Variants in ZNF385D observed in about 807,000 individuals in gnomAD.
ZNF385D encodes zinc finger protein 659.
ZNF385D carries 15 observed loss-of-function variants against 35.8 expected under a neutral mutation model. The ratio of observed to expected loss-of-function variants is 0.42; its 90% CI spans 0.28 to 0.64. ZNF385D has a LOEUF of 0.64. Among genes scored for constraint, ZNF385D ranks in the 30% least tolerant of loss-of-function variants. The pLI is 0.23. For missense variants in ZNF385D, 474 were observed against 494.6 expected (o/e 0.96, Z 0.39); for synonymous variants, 212 against 186.8 (o/e 1.13, Z -1.10).
intron 3 of ZNF385D, among the ~76,000 whole-genome samples, chr3:22,159,939 A>G (rs1216998067): frequency 6.6e-6 from 1 of 152,018 alleles, no homozygotes; most frequent in African/African-American, 2.4e-5. Flanking sequence ...CCCAGCCAAA[A>G]TCTCATCTTG....
At chr3:21,575,396 A>C (rs1194484731) in intron 2 of ZNF385D, among the ~76,000 whole-genome samples, 1 of 152,196 alleles carries the variant, frequency 6.6e-6, no homozygotes, top group African/African-American at 2.4e-5. Context: ...AACTAGGGAC[A>C]GGCTTATTTC....
At position 22,049,280 on chromosome 3, in the gene ZNF385D, G is replaced by A. The variant is rs1382766406; in HGVS notation, c.325+119537C>T. Among the ~76,000 whole-genome samples, 4 of 89,482 alleles carry A rather than the reference G, an allele frequency of 4.5e-5. No homozygotes were observed. The South Asian group carries it at 1.0e-3, about 22-fold the overall frequency. 58.7% of individuals were successfully genotyped at this position (89,482 alleles called of 152,430 possible). ...CACTGCACTCCAGCCTGGGAAACAAGAGCGAAACTCAATCTCAAAAATAAA... is the reference window on the plus strand; with the variant it reads ...CACTGCACTCCAGCCTGGGAAACAAAAGCGAAACTCAATCTCAAAAATAAA... On this transcript the variant is annotated intron_variant, in intron 3 of 5. Coordinates refer to the ZNF385D transcript ENST00000494108.
At chr3:21,755,574 CA>C (rs1305019456), upstream of ZNF385D, among the ~76,000 whole-genome samples, 1 of 152,106 alleles carries the variant, frequency 6.6e-6, no homozygotes, top group African/African-American at 2.4e-5. Context: ...TTTTTCTCAC[CA>C]AAAGACTAAA....
Position 21,418,061 on chromosome 3 carries a change from A to C in ZNF385D, c.*3153T>G, listed in dbSNP as rs1054770129. ...CATAAGAGAAATACAGTACCTCCCC[A>C]ATGACTGTTTCCCATTTGTCTGGAC... On this transcript the variant is annotated 3_prime_UTR_variant, in exon 8 of 8. Transcript: ENST00000281523. 1 of 152,158 alleles carries C rather than the reference A, an allele frequency of 6.6e-6. No individual in the cohort carries two copies. Among genetic ancestry groups the C allele is most frequent in the African/African-American group, 2.4e-5 (1 of 41,454 alleles). 9.4% of individuals were successfully genotyped at this position (152,158 alleles called of 1,614,324 possible).
chr3:21,984,983 A>G (rs1246709257), intron 3 of ZNF385D, among the ~76,000 whole-genome samples: 1 of 151,656 alleles, frequency 6.6e-6, no homozygotes, highest in Non-Finnish European at 1.5e-5. Context: ...TTTTTTGTGT[A>G]TAAGAATGCC....
At chr3:22,053,089 T>C (rs1369184639) in intron 3 of ZNF385D, among the ~76,000 whole-genome samples, 2 of 78,880 alleles carry the variant, frequency 2.5e-5, no homozygotes, top group Non-Finnish European at 5.1e-5. Context: ...CGGGCGCCCC[T>C]CCCCCAGCCT....
In ZNF385D at chr3:22,277,213, G is replaced by C. The variant is rs529243009; in HGVS notation, c.106+95237C>G. 2.6e-5 allele frequency among the ~76,000 whole-genome samples: 4 copies of C among 152,258 alleles called. No homozygotes were observed. The South Asian group carries it at 8.3e-4, about 32-fold the overall frequency. ...AAGTAAGGGAAGCAAGTTAGCAGTG[G>C]TGAGAGAAGCAGAGCTGTGGGTTCA... On this transcript the variant is annotated intron_variant, in intron 2 of 5. Transcript: ENST00000494108.
intron 3 of ZNF385D, chr3:21,979,733 G>C (rs1302702629): frequency 6.6e-6 from 1 of 152,206 alleles, no homozygotes; most frequent in East Asian, 1.9e-4. Flanking sequence ...TTTGCAGAAA[G>C]ATTGGAAGAT....
chr3:21,749,727 G>C (rs1426337734), intron 1 of ZNF385D, among the ~76,000 whole-genome samples: 1 of 152,144 alleles, frequency 6.6e-6, no homozygotes, highest in Non-Finnish European at 1.5e-5. Flanking sequence ...AATCAAAACT[G>C]TCAAGACAAC....
intron 3 of ZNF385D, among the ~76,000 whole-genome samples, chr3:22,028,169 G>A (rs1428265124): frequency 6.6e-6 from 1 of 152,124 alleles, no homozygotes; most frequent in Admixed American, 6.5e-5. Flanking sequence ...GTATGTGGAT[G>A]GTCACCTCTA....
chr3:21,877,105 C>CAGGAA (rs1698020143), intron 3 of ZNF385D, among the ~76,000 whole-genome samples: 1 of 152,050 alleles, frequency 6.6e-6, no homozygotes, highest in Non-Finnish European at 1.5e-5. Flanking sequence ...TTCGCCTGCC[C>CAGGAA]TAAGTGACCT....
At chr3:21,549,346 G>C (rs996572318) in intron 3 of ZNF385D, among the ~76,000 whole-genome samples, 5 of 152,124 alleles carry the variant, frequency 3.3e-5, no homozygotes, top group African/African-American at 1.2e-4. Flanking sequence ...CGTGCTCTTG[G>C]CTGGCTCATT....
intron 3 of ZNF385D, among the ~76,000 whole-genome samples, chr3:21,525,684 CAAAAAAA>C (rs11308733): frequency 1.1e-5 from 1 of 88,414 alleles, no homozygotes; most frequent in African/African-American, 4.3e-5. Context: ...AATTCCATCT[CAAAAAAA>C]AAAAAAAAAA....
At chr3:21,849,178 CATATT>C (rs1458572648) in intron 3 of ZNF385D, among the ~76,000 whole-genome samples, 1 of 152,048 alleles carries the variant, frequency 6.6e-6, no homozygotes. Context: ...ACTATTGCTA[CATATT>C]ATAAGTCTTG....
chr3:22,004,785 T>C (rs1696092045), intron 3 of ZNF385D, among the ~76,000 whole-genome samples: 1 of 152,186 alleles, frequency 6.6e-6, no homozygotes, highest in African/African-American at 2.4e-5. Flanking sequence ...CTTATCTACC[T>C]ATTACCTGGA....
chr3:21,884,797 A>G (rs1185812246), intron 3 of ZNF385D, among the ~76,000 whole-genome samples: 2 of 152,066 alleles, frequency 1.3e-5, no homozygotes, highest in Admixed American at 1.3e-4. Context: ...CCATATGGCA[A>G]TATTTACACG....
intron 2 of ZNF385D, among the ~76,000 whole-genome samples, chr3:22,292,743 A>C (rs2125400002): frequency 6.6e-6 from 1 of 152,180 alleles, no homozygotes; most frequent in South Asian, 2.1e-4. Flanking sequence ...ATATTTTTAA[A>C]ATGTGCTAGA....
chr3:22,351,632 A>G (rs1695920334), intron 2 of ZNF385D, among the ~76,000 whole-genome samples: 1 of 152,192 alleles, frequency 6.6e-6, no homozygotes, highest in African/African-American at 2.4e-5. Context: ...TAATGAGAGT[A>G]AGCTAAAAAT....
chr3:22,115,844 C>G (rs1702782192), intron 3 of ZNF385D, among the ~76,000 whole-genome samples: 1 of 152,034 alleles, frequency 6.6e-6, no homozygotes, highest in African/African-American at 2.4e-5. Context: ...ACTAAGAAAA[C>G]AGGTTTTTGT....
Sources: gnomAD v4.1 joint callset for allele counts (sites outside exome capture counted in the v4.1 genomes callset) on GRCh38, gnomAD v4.1.1 for gene constraint, MANE v1.5 for transcripts, NCBI Gene and HGNC (gene_info 2026-07-23, HGNC 2026-07-21) for gene names.